The following PPP2R5C variants were observed in gnomAD, a reference collection of about 807,000 sequenced individuals.
PPP2R5C encodes the protein serine/threonine-protein phosphatase 2A 56 kDa regulatory subunit gamma isoform.
Under a neutral mutation model 68.9 loss-of-function variants are expected in PPP2R5C, and 7 were observed. The observed-to-expected ratio is 0.10, with a 90% CI of 0.06 to 0.19. The LOEUF is 0.19. Among genes scored for constraint, PPP2R5C ranks in the 10% least tolerant of loss-of-function variants. PPP2R5C has a pLI of 1.00. For synonymous variants in PPP2R5C, 210 were observed against 222.2 expected (o/e 0.95, Z 0.49); for missense variants, 348 against 641.3 (o/e 0.54, Z 4.94).
intron 1 of PPP2R5C, among the ~76,000 whole-genome samples, chr14:101,853,707 T>C (rs2042276184): frequency 1.3e-5 from 2 of 152,194 alleles, no homozygotes; most frequent in African/African-American, 2.4e-5. Flanking sequence ...CATAGCACCG[T>C]GGCCTTAGGC....
At chr14:101,884,196 G>C (rs1423517005) in intron 5 of PPP2R5C, among the ~76,000 whole-genome samples, 1 of 152,216 alleles carries the variant, frequency 6.6e-6, no homozygotes, top group Non-Finnish European at 1.5e-5. Flanking sequence ...ATGGAGGCCA[G>C]AAGACTCAGC....
At position 101,917,404 on chromosome 14, in the gene PPP2R5C, G is replaced by T. The variant is rs1340070412; in HGVS notation, c.1327-427G>T. On this transcript the variant is annotated intron_variant, in intron 12 of 13. Transcript: ENST00000334743. This position sits in a 1 kb window ranked among gnomAD's most constrained non-coding sequence, Gnocchi z 4.4. ...TCGATGAGAGGACATGATCGTGAGA[G>T]GAAAGGGAAAAGAATCATGAGGTTG... Among the ~76,000 whole-genome samples the T allele has an allele frequency of 1.3e-5, 2 of 152,316 alleles. No homozygotes were observed. The highest frequency in any genetic ancestry group is 4.1e-4 in the South Asian group (2 of 4,822).
At chr14:101,868,849 A>G (rs2043234041) in intron 2 of PPP2R5C, among the ~76,000 whole-genome samples, 1 of 152,146 alleles carries the variant, frequency 6.6e-6, no homozygotes, top group African/African-American at 2.4e-5. Context: ...AACTTTGATA[A>G]ATGTGTATAG....
At chr14:101,925,328 A>G in exon 14 of PPP2R5C, 1 of 1,601,308 alleles carries the variant, frequency 6.2e-7, no homozygotes, top group Non-Finnish European at 8.5e-7. Flanking sequence ...GATTCTGTAG[A>G]AAATACATAC....
At chr14:101,851,824 T>C (rs890777258) in intron 1 of PPP2R5C, among the ~76,000 whole-genome samples, 1 of 152,096 alleles carries the variant, frequency 6.6e-6, no homozygotes, top group Non-Finnish European at 1.5e-5. Context: ...TTTTTTTCAA[T>C]CAGTTTCCTA....
At chr14:101,836,604 C>G in intron 1 of PPP2R5C, 6 of 508,770 alleles carry the variant, frequency 1.2e-5, no homozygotes, top group Non-Finnish European at 2.1e-5. Context: ...TTTTTCTAGG[C>G]TAGCAAAGCT....
chr14:101,785,107 G>A (rs1451569940), intron 2 of PPP2R5C, among the ~76,000 whole-genome samples: 1 of 152,130 alleles, frequency 6.6e-6, no homozygotes, highest in Non-Finnish European at 1.5e-5. Flanking sequence ...GAATGAGCAC[G>A]CACACCAGGA....
At chr14:101,854,283 C>T (rs188218884) in intron 1 of PPP2R5C, among the ~76,000 whole-genome samples, 2 of 152,224 alleles carry the variant, frequency 1.3e-5, no homozygotes, top group Admixed American at 1.3e-4. Context: ...ACAGGGAAAC[C>T]GTAGCTTCCT....
chr14:101,762,408 T>C (rs934859621), intron 1 of PPP2R5C, among the ~76,000 whole-genome samples: 1 of 152,044 alleles, frequency 6.6e-6, no homozygotes, highest in Non-Finnish European at 1.5e-5. Flanking sequence ...TAAGGAATTC[T>C]CTGCCGCCCC....
chr14:101,851,656 G>A (rs1312858009), intron 1 of PPP2R5C, among the ~76,000 whole-genome samples: 1 of 152,002 alleles, frequency 6.6e-6, no homozygotes, highest in Non-Finnish European at 1.5e-5. Flanking sequence ...TGCTCCATCG[G>A]GGTAATGCTT....
chr14:101,813,958 A>G (rs954563583), intron 1 of PPP2R5C, among the ~76,000 whole-genome samples: 1 of 152,354 alleles, frequency 6.6e-6, no homozygotes, highest in South Asian at 2.1e-4. Context: ...AAAACATGCA[A>G]GAAGCAAGCA....
At chr14:101,761,764 C>A, upstream of PPP2R5C, 3 of 957,430 alleles carry the variant, frequency 3.1e-6, no homozygotes, top group Non-Finnish European at 3.6e-6. Context: ...CGAGAGCAAG[C>A]GAAAGACTCA....
At position 101,882,333 on chromosome 14, in the gene PPP2R5C, C is replaced by T. The variant is rs555266413; in HGVS notation, c.405+62C>T. On this transcript the variant is annotated intron_variant, in intron 3 of 13. Transcript: ENST00000334743. This position sits in a 1 kb window ranked among gnomAD's most constrained non-coding sequence, Gnocchi z 4.9. ...GTGACACATGGGAATGGCCTGGGAT[C>T]CACAGAGCGGGCGCACTGGTCTGGC... 2.1e-5 allele frequency: 28 copies of T among 1,357,208 alleles called. No homozygotes were observed. The East Asian group carries it at 6.4e-4, about 31-fold the overall frequency. The allele number at this position is 1,357,208 out of a possible 1,614,324, so 84.1% of individuals were successfully genotyped here.
intron 9 of PPP2R5C, among the ~76,000 whole-genome samples, chr14:101,904,341 G>A (rs1224174973): frequency 6.6e-6 from 1 of 152,070 alleles, no homozygotes; most frequent in Non-Finnish European, 1.5e-5. Flanking sequence ...GTAGAGACGG[G>A]ATTTCACCAT....
intron 1 of PPP2R5C, chr14:101,818,608 TG>T (rs753399926): frequency 4.5e-5 from 8 of 177,528 alleles, no homozygotes; most frequent in Non-Finnish European, 5.9e-5. Context: ...CACACCAGCC[TG>T]GGCAGCAGAG....
chr14:101,804,014 A>G (rs972529142), intron 3 of PPP2R5C, among the ~76,000 whole-genome samples: 5 of 152,218 alleles, frequency 3.3e-5, no homozygotes, highest in African/African-American at 1.2e-4. Context: ...AAGGAGCTCA[A>G]ACAACTCTAT....
At chr14:101,800,254 A>G (rs2038800182) in intron 3 of PPP2R5C, among the ~76,000 whole-genome samples, 1 of 152,060 alleles carries the variant, frequency 6.6e-6, no homozygotes, top group Non-Finnish European at 1.5e-5. Flanking sequence ...CAAAAAATGT[A>G]CGTATTTTTT....
intron 2 of PPP2R5C, among the ~76,000 whole-genome samples, chr14:101,868,088 G>A (rs547621526): frequency 2.0e-5 from 3 of 152,322 alleles, no homozygotes; most frequent in Non-Finnish European, 1.5e-5. Flanking sequence ...GATATTTACA[G>A]TGTGTTCTGG....
intron 2 of PPP2R5C, among the ~76,000 whole-genome samples, chr14:101,869,274 C>G (rs187143262): frequency 6.6e-6 from 1 of 152,318 alleles, no homozygotes; most frequent in Admixed American, 6.5e-5. Context: ...CAGTTTGTTC[C>G]TTTTCCTTCT....
Sources: allele counts gnomAD v4.1 joint callset (sites outside exome capture counted in the v4.1 genomes callset), GRCh38; gene constraint gnomAD v4.1.1; non-coding constraint Gnocchi (gnomAD v3.1); transcripts MANE v1.5; gene names NCBI Gene and HGNC (gene_info 2026-07-23, HGNC 2026-07-21).